The following CDH23 variants were observed in gnomAD, a reference collection of about 807,000 sequenced individuals.
CDH23 encodes cadherin related 23, also known as cadherin-23.
In CDH23, 189 loss-of-function variants were observed where a neutral mutation model predicts 317.1. The ratio of observed to expected loss-of-function variants is 0.60; its 90% CI spans 0.53 to 0.67. CDH23 has a LOEUF of 0.67. Among genes scored for constraint, CDH23 ranks in the 30% least tolerant of loss-of-function variants. The pLI, the probability that CDH23 is intolerant of heterozygous loss-of-function variation, is 0.00. For missense variants in CDH23, 4,401 were observed against 4,592.4 expected (o/e 0.96, Z 1.20); for synonymous variants, 1,839 against 1,876.8 (o/e 0.98, Z 0.52).
intron 14 of CDH23, among the ~76,000 whole-genome samples, chr10:71,674,120 G>A (rs190543457): frequency 6.6e-6 from 1 of 152,308 alleles, no homozygotes; most frequent in African/African-American, 2.4e-5. Flanking sequence ...GTATAGCCAA[G>A]TTTTCTGGAT....
chr10:71,525,536 G>A (rs976773163), intron 6 of CDH23, among the ~76,000 whole-genome samples: 16 of 152,208 alleles, frequency 1.1e-4, no homozygotes, highest in African/African-American at 3.6e-4. Flanking sequence ...CCAGGACTAG[G>A]GAGGGTAGCT....
intron 14 of CDH23, among the ~76,000 whole-genome samples, chr10:71,653,287 G>A (rs1863265613): frequency 6.6e-6 from 1 of 152,212 alleles, no homozygotes. Flanking sequence ...ATTGCCCTGG[G>A]CTGGCCGTGT....
chr10:71,787,694 T>C (rs1355038213), intron 44 of CDH23, among the ~76,000 whole-genome samples: 1 of 152,216 alleles, frequency 6.6e-6, no homozygotes, highest in East Asian at 1.9e-4. Flanking sequence ...TTCAGTTCCA[T>C]CCATGTTGCT....
intron 1 of CDH23, among the ~76,000 whole-genome samples, chr10:71,420,565 A>ATGG (rs1848762526): frequency 1.1e-4 from 3 of 27,376 alleles, no homozygotes; most frequent in Non-Finnish European, 1.8e-4. Context: ...GATGGTGATG[A>ATGG]TGATGATGAT....
chr10:71,646,497 T>C lies in CDH23; in HGVS notation c.1329T>C (p.Tyr443=), dbSNP rs1459371535. Residue 443 remains tyrosine, a synonymous_variant, in exon 14 of 70, where the codon TAT becomes TAC. Transcript: ENST00000224721. The part of the protein sequence containing the change: ...ANESVPDHVG[Y]AKVKITLINE... ...AGAGTGTGCCTGACCATGTGGGCTATGCCAAGGTGAAGATCACTCTCATCA... is the reference window on the plus strand; with the variant it reads ...AGAGTGTGCCTGACCATGTGGGCTACGCCAAGGTGAAGATCACTCTCATCA... 6.2e-7 allele frequency: 1 copy of C among 1,613,902 alleles called. No individual in the cohort carries two copies. Among genetic ancestry groups the C allele is most frequent in the Non-Finnish European group, 8.5e-7 (1 of 1,179,872 alleles).
intron 3 of CDH23, among the ~76,000 whole-genome samples, chr10:71,466,444 G>A (rs1465144446): frequency 1.3e-5 from 2 of 152,122 alleles, no homozygotes; most frequent in African/African-American, 4.8e-5. Context: ...ATGTGTGAGT[G>A]TACATGCATG....
At chr10:71,449,530 T>G (rs1850331174) in intron 3 of CDH23, among the ~76,000 whole-genome samples, 1 of 152,166 alleles carries the variant, frequency 6.6e-6, no homozygotes, top group Non-Finnish European at 1.5e-5. Flanking sequence ...ATAACACATA[T>G]GACATACTAT....
intron 1 of CDH23, among the ~76,000 whole-genome samples, chr10:71,424,282 G>A (rs979987820): frequency 2.0e-5 from 3 of 152,222 alleles, no homozygotes; most frequent in Non-Finnish European, 2.9e-5. Flanking sequence ...GGTGGGACCT[G>A]GGTTTCCCAC....
intron 3 of CDH23, among the ~76,000 whole-genome samples, chr10:71,469,852 G>A (rs1394657563): frequency 1.3e-5 from 2 of 152,134 alleles, no homozygotes; most frequent in East Asian, 1.9e-4. Context: ...TGGTCTGCCC[G>A]CCTTGGCCTC....
intron 4 of CDH23, 84 bp from the exon 5 acceptor site, chr10:71,510,870 G>C: frequency 7.5e-7 from 1 of 1,337,940 alleles, no homozygotes; most frequent in Non-Finnish European, 1.1e-6. Flanking sequence ...CAATCCTGGA[G>C]CCCCTCCCGC....
At chr10:71,719,760 T>C (rs1256096897) in intron 28 of CDH23, 2 of 152,436 alleles carry the variant, frequency 1.3e-5, no homozygotes, top group African/African-American at 4.8e-5. Context: ...CAGCCCTCGG[T>C]CAGCCTGGCC....
chr10:71,653,085 T>C (rs966022687), intron 14 of CDH23, among the ~76,000 whole-genome samples: 2 of 151,782 alleles, frequency 1.3e-5, no homozygotes, highest in South Asian at 2.1e-4. Flanking sequence ...CTCAGGAAGA[T>C]TCCCCAGGAC....
chr10:71,511,222 A>C lies in CDH23; in HGVS notation c.429+10A>C, dbSNP rs2132200943. 3.1e-6 allele frequency: 5 copies of C among 1,611,558 alleles called. No homozygotes were observed. Among genetic ancestry groups the C allele is most frequent in the Non-Finnish European group, 3.4e-6 (4 of 1,177,884 alleles). On this transcript the variant is annotated intron_variant, in intron 6 of 69. Coordinates refer to ENST00000224721, the MANE Select transcript of CDH23 (RefSeq NM_022124.6). ...CGTCCGCATCCCTGAGGTAGGAGCC[A>C]CTGGGGTTACCCTTGAGGGTATCAG...
At chr10:71,764,069 T>G (rs1299433674) in intron 38 of CDH23, among the ~76,000 whole-genome samples, 4 of 151,992 alleles carry the variant, frequency 2.6e-5, no homozygotes. Flanking sequence ...AAGATACAGG[T>G]CTCCTTTTCA....
At chr10:71,406,274 C>T (rs1848093746) in intron 1 of CDH23, among the ~76,000 whole-genome samples, 1 of 152,186 alleles carries the variant, frequency 6.6e-6, no homozygotes, top group East Asian at 1.9e-4. Flanking sequence ...GAAGTTGCAG[C>T]AACGTGGAGT....
chr10:71,760,024 TATAC>T (rs1564779656), intron 38 of CDH23, among the ~76,000 whole-genome samples: 4 of 95,080 alleles, frequency 4.2e-5, no homozygotes, highest in Admixed American at 1.1e-4. Context: ...CACACACATA[TATAC>T]ACACACACAC....
At chr10:71,587,362 C>G (rs763674626) in intron 9 of CDH23, among the ~76,000 whole-genome samples, 1 of 152,240 alleles carries the variant, frequency 6.6e-6, no homozygotes, top group Non-Finnish European at 1.5e-5. Flanking sequence ...TTCATTCATT[C>G]AGCTAGCCAG....
chr10:71,736,798 C>T (rs1839579670), intron 34 of CDH23, among the ~76,000 whole-genome samples: 1 of 152,152 alleles, frequency 6.6e-6, no homozygotes, highest in African/African-American at 2.4e-5. Context: ...CCTAAGTGTA[C>T]GATACAGTGA....
rs936651118 is a variant in CDH23 at position 71,806,231 on chromosome 10, G to T, written c.8128G>T (p.Val2710Leu). Residue 2710 changes from valine (V) to leucine (L), a missense_variant, in exon 57 of 70, where the codon GTG becomes TTG. Physicochemically the swap from Val to Leu is conservative, Grantham distance 32. Transcript: ENST00000224721. ...ATACGAGACTATGCAGCCGCTGCAGGTGGCCCTGGAGGACATCGATGACAA... is the reference window on the plus strand; with the variant it reads ...ATACGAGACTATGCAGCCGCTGCAGTTGGCCCTGGAGGACATCGATGACAA... ...VPYETMQPLQ[V>L]ALEDIDDNEP... 2.5e-6 allele frequency: 4 copies of T among 1,577,838 alleles called. No individual in the cohort carries two copies. In the East Asian group the frequency reaches 7.0e-5, roughly 28 times the overall value.
Sources: gnomAD v4.1 joint callset for allele counts (sites outside exome capture counted in the v4.1 genomes callset) on GRCh38, gnomAD v4.1.1 for gene constraint, MANE v1.5 for transcripts, NCBI Gene and HGNC (gene_info 2026-07-23, HGNC 2026-07-21) for gene names.